The following RPGRIP1L variants were observed in gnomAD, a reference collection of about 807,000 sequenced individuals.
RPGRIP1L encodes RPGRIP1 like, also known as protein fantom.
RPGRIP1L carries 131 observed loss-of-function variants against 160.4 expected under a neutral mutation model. The observed-to-expected ratio is 0.82, with a 90% CI of 0.71 to 0.94. The LOEUF is 0.94. Ranked by LOEUF, RPGRIP1L falls within the 40% of genes least tolerant of loss-of-function variation. The pLI is 0.00. For synonymous variants in RPGRIP1L, 510 were observed against 515.8 expected, an observed-to-expected ratio of 0.99 and a Z score of 0.15; for missense variants, 1,522 against 1,535.8, an observed-to-expected ratio of 0.99 and a Z score of 0.15.
chr16:53,670,816 T>TG (rs1968652898), intron 9 of RPGRIP1L, among the ~76,000 whole-genome samples: 1 of 152,146 alleles, frequency 6.6e-6, no homozygotes, highest in Non-Finnish European at 1.5e-5. Context: ...AGGTATGGGC[T>TG]GGGCGCAGTG....
intron 2 of RPGRIP1L, among the ~76,000 whole-genome samples, chr16:53,699,632 C>G (rs749533688): frequency 1.3e-5 from 2 of 152,100 alleles, no homozygotes; most frequent in African/African-American, 4.8e-5. Flanking sequence ...CTTACACATA[C>G]TTTTTACTTC....
chr16:53,662,190 G>A (rs187191532), intron 10 of RPGRIP1L, among the ~76,000 whole-genome samples: 2 of 152,158 alleles, frequency 1.3e-5, no homozygotes, highest in East Asian at 3.9e-4. Flanking sequence ...AGACTGCAGA[G>A]AACAATTCAA....
chr16:53,647,003 C>T (rs1469585305), intron 16 of RPGRIP1L, among the ~76,000 whole-genome samples: 1 of 150,844 alleles, frequency 6.6e-6, no homozygotes, highest in Admixed American at 6.6e-5. Context: ...CACTTCTCCC[C>T]TTCAATCTAC....
At chr16:53,695,362 G>C (rs936226209) in intron 3 of RPGRIP1L, 1 of 702,994 alleles carries the variant, frequency 1.4e-6, no homozygotes, top group South Asian at 1.5e-5. Flanking sequence ...GAAGTCCACA[G>C]AGTAGAAACT....
rs777088047 is a variant in RPGRIP1L at position 53,602,135 on chromosome 16, C to T, written c.3889G>A (p.Glu1297Lys). The change falls in exon 27 of 27, where the codon GAA becomes AAA. Residue 1297 changes from glutamate to lysine, a missense_variant. Physicochemically the swap from Glu to Lys is moderately conservative, Grantham distance 56. Transcript: ENST00000647211. The part of the protein sequence containing the change: ...EGIGKLRVTV[E>K]ALHALQSVYK... ...ACAGACTGGAGGGCATGGAGAGCTT[C>T]GACTGTTACCCTGAGCTTGCCAATA... 3.1e-6 allele frequency: 5 copies of T among 1,614,016 alleles called. No homozygotes were observed. The highest frequency in any genetic ancestry group is 2.2e-5 in the East Asian group (1 of 44,870).
intron 7 of RPGRIP1L, among the ~76,000 whole-genome samples, chr16:53,673,889 G>C (rs914939818): frequency 1.3e-5 from 2 of 152,108 alleles, no homozygotes; most frequent in East Asian, 3.9e-4. Flanking sequence ...TACTACAGCA[G>C]ACACCTGTTA....
intron 5 of RPGRIP1L, 88 bp from the exon 6 acceptor site, chr16:53,686,664 A>G: frequency 7.2e-7 from 1 of 1,382,648 alleles, no homozygotes; most frequent in Non-Finnish European, 1.0e-6. Context: ...CTTCATGAAA[A>G]AGAGCAAGCA....
rs151281974 is a variant in RPGRIP1L at position 53,652,567 on chromosome 16, C to A, written c.2120G>T (p.Ser707Ile). 1.2e-6 allele frequency: 2 copies of A among 1,613,850 alleles called. No homozygotes were observed. The highest frequency in any genetic ancestry group is 1.7e-6 in the Non-Finnish European group (2 of 1,179,976). ...QLKFHEILEK[S>I]GRIFCTASLI... ...ACTTGCTGTACAAAATATTCGGCCG[C>A]TTTTTTCAAGAATTTCGTGAAATTT... The change falls in exon 15 of 27, where the codon AGC becomes ATC. Residue 707 changes from serine (S) to isoleucine (I), a missense_variant. Physicochemically the swap from Ser to Ile is moderately radical, Grantham distance 142. Coordinates refer to ENST00000647211, the MANE Select transcript of RPGRIP1L (RefSeq NM_015272.5).
At chr16:53,664,683 T>C (rs1968084981) in intron 10 of RPGRIP1L, among the ~76,000 whole-genome samples, 187 bp downstream of exon 10, 1 of 152,160 alleles carries the variant, frequency 6.6e-6, no homozygotes, top group Admixed American at 6.6e-5. Flanking sequence ...TCTTTTGGCA[T>C]ATACACTAAG....
intron 3 of RPGRIP1L, chr16:53,695,498 A>C (rs1970688298): frequency 1.5e-6 from 1 of 689,498 alleles, no homozygotes; most frequent in African/African-American, 1.8e-5. Flanking sequence ...TCATGATTAC[A>C]CATCTGAACA....
At chr16:53,695,182 T>C (rs1970660091) in intron 3 of RPGRIP1L, 1 of 563,478 alleles carries the variant, frequency 1.8e-6, no homozygotes, top group Non-Finnish European at 3.2e-6. Context: ...AAAAAAATTG[T>C]TAGGTGGTCA....
chr16:53,653,458 T>C (rs1266678653), intron 14 of RPGRIP1L: 1 of 538,786 alleles, frequency 1.9e-6, no homozygotes, highest in Admixed American at 5.9e-5. Flanking sequence ...GGTTTCACCG[T>C]TATATACAGA....
chr16:53,604,276 C>A (rs1007949850), intron 26 of RPGRIP1L, among the ~76,000 whole-genome samples: 1 of 152,182 alleles, frequency 6.6e-6, no homozygotes, highest in Non-Finnish European at 1.5e-5. Flanking sequence ...TGACACATAC[C>A]TAGGACAAGC....
Position 53,652,668 on chromosome 16 carries a change from A to C in RPGRIP1L, c.2019T>G (p.Ile673Met). 1 of 1,613,912 alleles carries C rather than the reference A, an allele frequency of 6.2e-7. No individual in the cohort carries two copies. The highest frequency in any genetic ancestry group is 8.5e-7 in the Non-Finnish European group (1 of 1,179,840). The change falls in exon 15 of 27, where the codon ATT becomes ATG. Residue 673 changes from isoleucine (I) to methionine (M), a missense_variant. By Grantham distance (10) the Ile-to-Met change is conservative. Transcript: ENST00000647211. ...CCTCAAGGGTGATAGTATTCTTCTG[A>C]ATATATTGCAAAAATAAGTCATTAA... ...VHVNDLFLQY[I>M]QKNTITLEVH...
intron 2 of RPGRIP1L, among the ~76,000 whole-genome samples, chr16:53,700,180 G>T (rs971630644): frequency 6.6e-6 from 1 of 152,196 alleles, no homozygotes; most frequent in African/African-American, 2.4e-5. Flanking sequence ...AAAGGATAAA[G>T]AAAACCTTTA....
chr16:53,684,431 A>G (rs1969839598), intron 6 of RPGRIP1L, among the ~76,000 whole-genome samples: 1 of 152,200 alleles, frequency 6.6e-6, no homozygotes, highest in Non-Finnish European at 1.5e-5. Flanking sequence ...TGATGAGTTC[A>G]TGTCCTTTGT....
intron 16 of RPGRIP1L, among the ~76,000 whole-genome samples, chr16:53,648,620 G>GTGCA (rs1567834478): frequency 1.6e-5 from 1 of 62,400 alleles, no homozygotes; most frequent in Non-Finnish European, 3.9e-5. Flanking sequence ...GCGTGCGCGC[G>GTGCA]CGCGCGCACA....
chr16:53,598,818 C>G lies in RPGRIP1L; in HGVS notation c.*3258G>C, dbSNP rs573505608. 6.6e-6 allele frequency: 1 copy of G among 152,280 alleles called. No individual in the cohort carries two copies. The highest frequency in any genetic ancestry group is 2.4e-5 in the African/African-American group (1 of 41,552). The allele number at this position is 152,280 out of a possible 1,614,324, so 9.4% of individuals were successfully genotyped here. ...TGATAGTTGGGGATGAATTATCATCCTGATATTGTCAATCACTTGATAATT... is the reference window on the plus strand; with the variant it reads ...TGATAGTTGGGGATGAATTATCATCGTGATATTGTCAATCACTTGATAATT... On this transcript the variant is annotated 3_prime_UTR_variant, in exon 27 of 27. Transcript: ENST00000647211.
intron 1 of RPGRIP1L, among the ~76,000 whole-genome samples, chr16:53,702,076 G>A (rs1018619920): frequency 4.0e-5 from 6 of 151,860 alleles, no homozygotes; most frequent in Non-Finnish European, 8.8e-5. Flanking sequence ...AAATAATAAT[G>A]ATGATGATGA....
Sources: gnomAD v4.1 joint callset for allele counts (sites outside exome capture counted in the v4.1 genomes callset) on GRCh38, gnomAD v4.1.1 for gene constraint, MANE v1.5 for transcripts, NCBI Gene and HGNC (gene_info 2026-07-23, HGNC 2026-07-21) for gene names.